The following SCHIP1 variants were observed in gnomAD, a reference collection of about 807,000 sequenced individuals.
SCHIP1 encodes schwannomin interacting protein 1.
SCHIP1 carries 8 observed loss-of-function variants against 29.7 expected under a neutral mutation model. That is an observed-to-expected ratio of 0.27 (90% CI 0.16 to 0.49). The LOEUF (loss-of-function observed/expected upper bound fraction) is 0.49, where lower values mean the gene tolerates loss of function less well. Among genes scored for constraint, SCHIP1 ranks in the 20% least tolerant of loss-of-function variants. SCHIP1 has a pLI of 0.99. For missense variants in SCHIP1, 193 were observed against 294.6 expected (o/e 0.66, Z 2.52); for synonymous variants, 76 against 94.9 (o/e 0.80, Z 1.16).
chr3:159,296,607 C>A, the SCHIP1 span, among the ~76,000 whole-genome samples: 1 of 152,094 alleles, frequency 6.6e-6, no homozygotes, highest in African/African-American at 2.4e-5. Context: ...AACCCCGTCT[C>A]TACTAAAGAT....
chr3:159,676,575 A>C, the SCHIP1 span, among the ~76,000 whole-genome samples: 1 of 152,228 alleles, frequency 6.6e-6, no homozygotes. Flanking sequence ...AGTCTTCTAC[A>C]TTCTTTCAGC....
chr3:159,583,327 G>A, the SCHIP1 span, among the ~76,000 whole-genome samples: 1 of 152,114 alleles, frequency 6.6e-6, no homozygotes, highest in African/African-American at 2.4e-5. Flanking sequence ...CTTCCTGTCA[G>A]TGAATATTTG....
the SCHIP1 span, among the ~76,000 whole-genome samples, chr3:159,778,075 G>A: frequency 6.6e-6 from 1 of 151,850 alleles, no homozygotes; most frequent in East Asian, 1.9e-4. Flanking sequence ...CCCGCCTCCC[G>A]GGTTCAGGCC....
At chr3:159,765,175 A>AGGCGTACACACCC in the SCHIP1 span, 4 of 1,522,930 alleles carry the variant, frequency 2.6e-6, no homozygotes, top group Admixed American at 6.2e-5. Flanking sequence ...GCGCGCACAC[A>AGGCGTACACACCC]CGCGTACACA....
the SCHIP1 span, among the ~76,000 whole-genome samples, chr3:159,658,162 A>G: frequency 6.6e-6 from 1 of 152,224 alleles, no homozygotes; most frequent in African/African-American, 2.4e-5. Context: ...CATTCTGAAC[A>G]CTGATCAGAA....
chr3:159,430,921 A>G, the SCHIP1 span, among the ~76,000 whole-genome samples: 1 of 152,084 alleles, frequency 6.6e-6, no homozygotes, highest in Non-Finnish European at 1.5e-5. Flanking sequence ...CAGGCCAGGG[A>G]TATCTTGAGA....
the SCHIP1 span, among the ~76,000 whole-genome samples, chr3:159,559,895 CAA>C: frequency 6.6e-6 from 1 of 152,098 alleles, no homozygotes; most frequent in Non-Finnish European, 1.5e-5. Context: ...TTCAACCCAA[CAA>C]AAAGTTAACA....
chr3:159,297,332 G>T, the SCHIP1 span, among the ~76,000 whole-genome samples: 1 of 152,132 alleles, frequency 6.6e-6, no homozygotes, highest in African/African-American at 2.4e-5. Flanking sequence ...GGATTGATGG[G>T]TCATATGATA....
At chr3:159,774,717 A>AT in the SCHIP1 span, among the ~76,000 whole-genome samples, 2 of 152,094 alleles carry the variant, frequency 1.3e-5, no homozygotes, top group African/African-American at 4.8e-5. Flanking sequence ...TTGTAAACCC[A>AT]TTTTTTTGCT....
the SCHIP1 span, among the ~76,000 whole-genome samples, chr3:159,408,266 C>T: frequency 2.0e-5 from 3 of 151,882 alleles, no homozygotes; most frequent in Admixed American, 2.0e-4. Flanking sequence ...CCACTGCACT[C>T]CGGCCTGGGC....
the SCHIP1 span, among the ~76,000 whole-genome samples, chr3:159,719,650 G>T: frequency 3.9e-5 from 6 of 152,162 alleles, no homozygotes; most frequent in Admixed American, 6.5e-5. Context: ...ATCATCACTG[G>T]CCATCAGAGA....
chr3:159,337,283 G>C, the SCHIP1 span, among the ~76,000 whole-genome samples: 2 of 152,036 alleles, frequency 1.3e-5, no homozygotes, highest in African/African-American at 4.8e-5. Context: ...TTGAAAACTG[G>C]CACAAGACAG....
chr3:159,570,082 A>T, the SCHIP1 span, among the ~76,000 whole-genome samples: 3 of 152,296 alleles, frequency 2.0e-5, no homozygotes, highest in Admixed American at 6.5e-5. Flanking sequence ...ATTTTCTCCC[A>T]TTCTGTAGGT....
the SCHIP1 span, among the ~76,000 whole-genome samples, chr3:159,641,758 G>T: frequency 6.6e-6 from 1 of 152,122 alleles, no homozygotes; most frequent in African/African-American, 2.4e-5. Context: ...CTTCACAGTG[G>T]ATAACTTACC....
At chr3:159,845,883 G>A (rs1281999118) in intron 1 of SCHIP1, 2 of 152,202 alleles carry the variant, frequency 1.3e-5, no homozygotes, top group Admixed American at 1.3e-4. Context: ...CAAGGAGTTG[G>A]TGAAGCTGAC....
the SCHIP1 span, among the ~76,000 whole-genome samples, chr3:159,618,286 T>C: frequency 6.6e-6 from 1 of 152,228 alleles, no homozygotes; most frequent in Admixed American, 6.5e-5. Flanking sequence ...TTCCATGTTA[T>C]CACTCAAATT....
chr3:159,643,342 T>C, the SCHIP1 span, among the ~76,000 whole-genome samples: 1 of 152,090 alleles, frequency 6.6e-6, no homozygotes, highest in South Asian at 2.1e-4. Context: ...TTTCTAAAAC[T>C]GGATTCTGTA....
the SCHIP1 span, among the ~76,000 whole-genome samples, chr3:159,638,988 T>C: frequency 6.6e-6 from 1 of 152,140 alleles, no homozygotes; most frequent in Non-Finnish European, 1.5e-5. Flanking sequence ...AGTGCTCTTC[T>C]GAATGACCTA....
At chr3:159,373,261 A>G in the SCHIP1 span, among the ~76,000 whole-genome samples, 1 of 151,384 alleles carries the variant, frequency 6.6e-6, no homozygotes, top group Non-Finnish European at 1.5e-5. Context: ...TACATATATG[A>G]ATGTATACAT....
Sources: allele counts gnomAD v4.1 joint callset (sites outside exome capture counted in the v4.1 genomes callset), GRCh38; gene constraint gnomAD v4.1.1; transcripts MANE v1.5; gene names NCBI Gene and HGNC (gene_info 2026-07-23, HGNC 2026-07-21).